The following ERG variants were observed in gnomAD, a reference collection of about 807,000 sequenced individuals.
ERG encodes the protein transcriptional regulator ERG.
A neutral mutation model predicts 55.3 loss-of-function variants in ERG; 9 were observed. The observed-to-expected ratio is 0.16, with a 90% CI of 0.10 to 0.28. The LOEUF (loss-of-function observed/expected upper bound fraction) is 0.28, where lower values mean the gene tolerates loss of function less well. Among genes scored for constraint, ERG ranks in the 10% least tolerant of loss-of-function variants. The pLI is 1.00. For missense variants in ERG, 434 were observed against 631.6 expected (o/e 0.69, Z 3.35); for synonymous variants, 223 against 237.3 (o/e 0.94, Z 0.55).
chr21:38,654,222 A>G (rs996818506), intron 1 of ERG, among the ~76,000 whole-genome samples: 3 of 152,274 alleles, frequency 2.0e-5, no homozygotes, highest in African/African-American at 7.2e-5. Flanking sequence ...TCACGCCTGT[A>G]ATCCCAGCAC....
At chr21:38,407,295 T>C (rs1988816878) in intron 3 of ERG, among the ~76,000 whole-genome samples, 1 of 152,248 alleles carries the variant, frequency 6.6e-6, no homozygotes, top group Non-Finnish European at 1.5e-5. Context: ...AATGTTCCTG[T>C]GATATTTAGA....
Position 38,480,591 on chromosome 21 carries a change from CTTTTTTTTTTT to C in ERG, c.18+17761_18+17771del, listed in dbSNP as rs544037525. Among the ~76,000 whole-genome samples, 4 of 51,112 alleles carry C rather than the reference CTTTTTTTTTTT, an allele frequency of 7.8e-5. No individual in the cohort carries two copies. In the Admixed American group the frequency reaches 9.1e-4, roughly 12 times the overall value. 33.5% of individuals were successfully genotyped at this position (51,112 alleles called of 152,430 possible). ...TTGCCACTTTAGGGCACTATATGGC[CTTTTTTTTTTT>C]TTTTTTTTTTTTGCCTTATAGAGTT... is the stretch of plus-strand genomic sequence containing the variant. On this transcript the variant is annotated intron_variant, in intron 1 of 9. Transcript: ENST00000288319.
At position 38,528,354 on chromosome 21, in the gene ERG, G is replaced by A. The variant is rs185008490; in HGVS notation, c.-41+47308C>T. Among the ~76,000 whole-genome samples, 270 of 150,206 alleles carry A rather than the reference G, an allele frequency of 1.8e-3. 3 individuals are homozygous for A. Among genetic ancestry groups the A allele is most frequent in the African/African-American group, 6.2e-3 (255 of 40,806 alleles). On this transcript the variant is annotated intron_variant, in intron 2 of 8. Transcript: ENST00000398897. Reference sequence around the variant, plus strand: ...TACTCAGGAGAATCACTTGAACCTGGATTAGAACTTCACAATTACTGACAC... The same window carrying A: ...TACTCAGGAGAATCACTTGAACCTGAATTAGAACTTCACAATTACTGACAC...
chr21:38,567,071 A>C (rs2059927447), intron 2 of ERG, among the ~76,000 whole-genome samples: 1 of 84,160 alleles, frequency 1.2e-5, no homozygotes, highest in South Asian at 4.0e-4. Flanking sequence ...GAATCGCCAG[A>C]CTGGGGGGGG....
chr21:38,624,674 T>C (rs1020818677), intron 1 of ERG, among the ~76,000 whole-genome samples: 5 of 152,176 alleles, frequency 3.3e-5, no homozygotes, highest in African/African-American at 4.8e-5. Context: ...CTATATGACC[T>C]TGGACACTTA....
chr21:38,367,716 T>C, the ERG span: 1 of 484,000 alleles, frequency 2.1e-6, no homozygotes. Flanking sequence ...CGACCCATAT[T>C]AGAACAAGAC....
rs2059028095 is a variant in ERG, at chr21:38,460,154, G to A, written c.19-14533C>T. Among the ~76,000 whole-genome samples, 1 of 152,320 alleles carries A rather than the reference G, an allele frequency of 6.6e-6. No homozygotes were observed. The highest frequency in any genetic ancestry group is 3.4e-3 in the Middle Eastern group (1 of 294). Reference sequence around the variant, plus strand: ...TGGCAACAGCTAGAACAAGGCCAGAGTGGACTGCGGGGGCTGCACGAGGAA... The same window carrying A: ...TGGCAACAGCTAGAACAAGGCCAGAATGGACTGCGGGGGCTGCACGAGGAA... On this transcript the variant is annotated intron_variant, in intron 1 of 9. Coordinates refer to ENST00000288319, the MANE Select transcript of ERG (RefSeq NM_182918.4). The surrounding 1 kb of genome is among the most constrained non-coding windows in gnomAD (Gnocchi z 5.0).
At chr21:38,445,927 G>A (rs548009422) in intron 1 of ERG, among the ~76,000 whole-genome samples, 1 of 151,858 alleles carries the variant, frequency 6.6e-6, no homozygotes, top group Non-Finnish European at 1.5e-5. Flanking sequence ...GGTCTTAGAA[G>A]ACATCCAATT....
At chr21:38,461,168 T>C (rs1361133601) in intron 1 of ERG, among the ~76,000 whole-genome samples, 2 of 152,190 alleles carry the variant, frequency 1.3e-5, no homozygotes, top group Non-Finnish European at 2.9e-5. Flanking sequence ...AAGCTGGAAG[T>C]CAGAGAGCAA....
intron 2 of ERG, among the ~76,000 whole-genome samples, chr21:38,558,067 G>A (rs2146829929): frequency 6.7e-6 from 1 of 149,252 alleles, no homozygotes; most frequent in Admixed American, 6.7e-5. Flanking sequence ...TTTGGGGGGG[G>A]GTCCTACAGT....
upstream of ERG, among the ~76,000 whole-genome samples, chr21:38,500,960 A>G (rs1366292469): frequency 6.6e-6 from 1 of 151,024 alleles, no homozygotes; most frequent in Non-Finnish European, 1.5e-5. Flanking sequence ...ATAATTCTTG[A>G]TGTTTCAAAT....
intron 1 of ERG, among the ~76,000 whole-genome samples, chr21:38,639,477 C>G: frequency 6.6e-6 from 1 of 151,280 alleles, no homozygotes; most frequent in East Asian, 1.9e-4. Context: ...GGTTCAACAT[C>G]TAAATAACAA....
chr21:38,430,674 G>C (rs541460302), intron 2 of ERG, among the ~76,000 whole-genome samples: 3 of 152,306 alleles, frequency 2.0e-5, no homozygotes, highest in Non-Finnish European at 4.4e-5. Context: ...TCAGAATTCT[G>C]AGAAAGAACT....
intron 2 of ERG, among the ~76,000 whole-genome samples, chr21:38,441,206 GGT>G (rs2058838002): frequency 6.6e-6 from 1 of 152,202 alleles, no homozygotes; most frequent in Non-Finnish European, 1.5e-5. Context: ...CTGGAAGTCA[GGT>G]GTGGGGGTCA....
At chr21:38,580,156 G>A (rs147708790) in intron 1 of ERG, among the ~76,000 whole-genome samples, 23 of 151,532 alleles carry the variant, frequency 1.5e-4, no homozygotes, top group African/African-American at 4.8e-4. Flanking sequence ...GGGTTTCACC[G>A]TGTCGGCCAG....
chr21:38,421,140 C>T (rs1283922585), intron 3 of ERG, among the ~76,000 whole-genome samples: 1 of 152,190 alleles, frequency 6.6e-6, no homozygotes, highest in Middle Eastern at 3.2e-3. Flanking sequence ...CCAACAGGAA[C>T]AGCCCCCTGT....
At chr21:38,415,370 T>C (rs1002878209) in intron 3 of ERG, among the ~76,000 whole-genome samples, 17 of 152,240 alleles carry the variant, frequency 1.1e-4, no homozygotes, top group African/African-American at 3.9e-4. Context: ...GTAGCTGTCG[T>C]TGCTTTTTAG....
At chr21:38,642,270 T>G (rs931128438) in intron 1 of ERG, among the ~76,000 whole-genome samples, 2 of 152,250 alleles carry the variant, frequency 1.3e-5, no homozygotes, top group African/African-American at 4.8e-5. Context: ...CTATCTGGAA[T>G]GAAATGCATT....
intron 1 of ERG, among the ~76,000 whole-genome samples, chr21:38,646,077 G>C (rs190932244): frequency 6.6e-6 from 1 of 152,038 alleles, no homozygotes; most frequent in Non-Finnish European, 1.5e-5. Flanking sequence ...TCAGGAGTTC[G>C]AGACCAGCCT....
Sources: gnomAD v4.1 joint callset for allele counts (sites outside exome capture counted in the v4.1 genomes callset) on GRCh38, gnomAD v4.1.1 for gene constraint, Gnocchi (gnomAD v3.1) non-coding constraint, MANE v1.5 for transcripts, NCBI Gene and HGNC (gene_info 2026-07-23, HGNC 2026-07-21) for gene names.